The following PNPLA6 variants were observed in gnomAD, a reference collection of about 807,000 sequenced individuals.
PNPLA6 encodes the protein patatin like domain 6, lysophospholipase.
In PNPLA6, 105 loss-of-function variants were observed where a neutral mutation model predicts 153.7. The observed-to-expected ratio is 0.68, with a 90% confidence interval of 0.58 to 0.80. The LOEUF (loss-of-function observed/expected upper bound fraction) is 0.80. Ranked by LOEUF, PNPLA6 falls within the 30% of genes least tolerant of loss-of-function variation. The probability of loss-of-function intolerance (pLI) is 0.00; values close to 1 mark genes in which losing one functional copy is unlikely to be tolerated. For synonymous variants in PNPLA6, 825 were observed against 822.2 expected (o/e 1.00, Z -0.06); for missense variants, 1,423 against 1,919.3 (o/e 0.74, Z 4.83).
intron 1 of PNPLA6, 51 bp downstream of exon 1, chr19:7,536,071 A>G (rs1193983868): frequency 1.3e-6 from 2 of 1,576,036 alleles, no homozygotes; most frequent in Non-Finnish European, 1.7e-6. Flanking sequence ...GGGGGCCCAA[A>G]TGCCCGGGTC....
Position 7,550,107 on chromosome 19 carries a change from CTATGAG to C in PNPLA6, c.1814+1_1814+6del, listed in dbSNP as rs776225309. The C allele has an allele frequency of 6.2e-7, 1 of 1,614,072 alleles. No individual in the cohort carries two copies. The highest frequency in any genetic ancestry group is 1.7e-5 in the Admixed American group (1 of 60,034). On this transcript the variant is annotated splice_donor_variant and coding_sequence_variant, in exon 14 of 32. Coordinates refer to ENST00000600737, the MANE Select transcript of PNPLA6 (RefSeq NM_001166114.2). LOFTEE classifies it high-confidence loss of function. ...TCCTGCGGATCTCCAAGTCCGACTT[CTATGAG>C]TATGACAGCCCGAAGTTGGAGTGTG...
Position 7,560,630 on chromosome 19 carries a change from G to A in PNPLA6, c.3700-18G>A. 1.3e-6 allele frequency: 2 copies of A among 1,544,054 alleles called. No homozygotes were observed. Among genetic ancestry groups the A allele is most frequent in the Non-Finnish European group, 1.8e-6 (2 of 1,116,140 alleles). On this transcript the variant is annotated intron_variant, in intron 28 of 31. Transcript: ENST00000600737. ...AAGCAGGGTTGCAGACATGGACCCA[G>A]CCCCTCATTTCCCACAGGATGTGGG... is the stretch of plus-strand genomic sequence containing the variant.
chr19:7,560,122 CAG>C (rs1221610139), intron 28 of PNPLA6, among the ~76,000 whole-genome samples: 6 of 152,022 alleles, frequency 3.9e-5, no homozygotes, highest in East Asian at 1.9e-4. Flanking sequence ...GCCTGGGTGA[CAG>C]AGTGAGACTC....
chr19:7,534,187 G>A, upstream of PNPLA6: 1 of 357,992 alleles, frequency 2.8e-6, no homozygotes, highest in Non-Finnish European at 5.3e-6. Context: ...CTGCGGAGCC[G>A]GGCGGAACGC....
intron 13 of PNPLA6, among the ~76,000 whole-genome samples, chr19:7,547,061 C>T (rs1465667648): frequency 5.3e-5 from 8 of 152,120 alleles, no homozygotes; most frequent in East Asian, 1.9e-4. Context: ...CACGCTGCCA[C>T]GCCCAGCTAA....
At position 7,560,746 on chromosome 19, in the gene PNPLA6, T is replaced by C. The variant is rs769721160; in HGVS notation, c.3798T>C (p.Asn1266=). The change falls in exon 29 of 32, where the codon AAT becomes AAC. Residue 1266 remains asparagine, a synonymous_variant. Transcript: ENST00000600737. ...CAGACCGGCGGTCTACAGACCTTAA[T>C]GAGAGCCGCCGTGCAGACGTAAGCC... ...MLTDRRSTDL[N]ESRRADVLAF... is the part of the protein sequence containing the mutation. The C allele has an allele frequency of 1.9e-6, 3 of 1,610,184 alleles. No homozygotes were observed. Among genetic ancestry groups the C allele is most frequent in the South Asian group, 1.1e-5 (1 of 90,984 alleles).
At chr19:7,543,833 C>T (rs1440070797) in intron 13 of PNPLA6, among the ~76,000 whole-genome samples, 13 of 147,474 alleles carry the variant, frequency 8.8e-5, no homozygotes, top group African/African-American at 2.5e-4. Flanking sequence ...TTTTTTGAGA[C>T]GGAGTCTCGC....
chr19:7,535,309 C>G, upstream of PNPLA6: 1 of 609,182 alleles, frequency 1.6e-6, no homozygotes, highest in Non-Finnish European at 3.0e-6. This position sits in a 1 kb window ranked among gnomAD's most constrained non-coding sequence, Gnocchi z 5.0. Context: ...CCCGCCTCAT[C>G]TCCTGGCCAG....
chr19:7,557,792 A>AAG (rs1372208947), intron 27 of PNPLA6, among the ~76,000 whole-genome samples: 1 of 151,766 alleles, frequency 6.6e-6, no homozygotes, highest in East Asian at 1.9e-4. Context: ...TCAAAAAAAA[A>AAG]AAAAAAGAAA....
intron 2 of PNPLA6, 54 bp downstream of exon 2, chr19:7,536,327 C>A (rs1015531259): frequency 6.8e-7 from 1 of 1,472,368 alleles, no homozygotes; most frequent in African/African-American, 1.4e-5. Flanking sequence ...CGCGCCCCTT[C>A]CCTATTTACA....
intron 28 of PNPLA6, among the ~76,000 whole-genome samples, chr19:7,559,517 A>G (rs372707154): frequency 1.3e-5 from 2 of 152,274 alleles, no homozygotes; most frequent in East Asian, 3.9e-4. Flanking sequence ...CTGACCCTGA[A>G]AAATGTGCCA....
intron 13 of PNPLA6, among the ~76,000 whole-genome samples, chr19:7,548,788 TA>T (rs1222566660): frequency 7.2e-6 from 1 of 138,628 alleles, no homozygotes; most frequent in African/African-American, 2.7e-5. Context: ...ATAATCTATG[TA>T]AAAAAATTTT....
At chr19:7,544,194 C>T (rs1321736269) in intron 13 of PNPLA6, among the ~76,000 whole-genome samples, 1 of 151,842 alleles carries the variant, frequency 6.6e-6, no homozygotes, top group Non-Finnish European at 1.5e-5. Context: ...TCACTGCAAC[C>T]TCCGCCTCCT....
Position 7,535,976 on chromosome 19 carries a change from C to T in PNPLA6, c.188C>T (p.Thr63Met), listed in dbSNP as rs964910024. The T allele has an allele frequency of 1.3e-6, 2 of 1,580,646 alleles. No individual in the cohort carries two copies. Among genetic ancestry groups the T allele is most frequent in the Non-Finnish European group, 8.6e-7 (1 of 1,165,710 alleles). ...MIGAGVAVVV[T>M]AVLILLVVRR... is the part of the protein sequence containing the mutation. ...GGGGCCGGAGTGGCGGTGGTGGTCA[C>T]GGCCGTGCTCATCCTCCTGGTGGTG... Residue 63 changes from threonine to methionine, a missense_variant, in exon 1 of 32, where the codon ACG (threonine) becomes ATG (methionine). Physicochemically the swap from Thr to Met is moderately conservative, Grantham distance 81 (BLOSUM62 -1). This residue lies in a region of PNPLA6 where 109 missense variants were observed against 109.4 expected (regional missense o/e 1.00). Coordinates refer to ENST00000600737, the MANE Select transcript of PNPLA6 (RefSeq NM_001166114.2). This position sits in a 1 kb window ranked among gnomAD's most constrained non-coding sequence, Gnocchi z 5.0.
upstream of PNPLA6, chr19:7,535,686 T>C (rs1052970002): frequency 3.7e-5 from 56 of 1,528,338 alleles, no homozygotes; most frequent in Non-Finnish European, 4.7e-5. This position sits in a 1 kb window ranked among gnomAD's most constrained non-coding sequence, Gnocchi z 5.0. Flanking sequence ...ACGCGCTGCG[T>C]CCGCTCGGGC....
rs1329932060 is a variant in PNPLA6, at chr19:7,540,149, G to A, written c.555G>A (p.Arg185=). Residue 185 remains arginine (R), a splice_region_variant and synonymous_variant, in exon 5 of 32, where the codon CGG becomes CGA. Transcript: ENST00000600737. The surrounding 1 kb of genome is among the most constrained non-coding windows in gnomAD (Gnocchi z 6.8). ...CTGTCGCCCACCGCCTGTCCAACAG[G>A]GTGCTGGGCCACTTCGAGAAGCCAC... is the stretch of plus-strand genomic sequence containing the variant. The part of the protein sequence containing the change: ...SEVLYMLKNV[R]VLGHFEKPLF... 3 of 1,612,340 alleles carry A rather than the reference G, an allele frequency of 1.9e-6. No homozygotes were observed. The highest frequency in any genetic ancestry group is 2.5e-6 in the Non-Finnish European group (3 of 1,180,012).
rs770248268 is a variant in PNPLA6 at position 7,555,229 on chromosome 19, G to C, written c.2818-20G>C. ...CCCCGCCCTCATGCTCCTGGGTCGC[G>C]ACTATCTCCCCCATCCCAGCATGAG... On this transcript the variant is annotated intron_variant, in intron 22 of 31. Coordinates refer to ENST00000600737, the MANE Select transcript of PNPLA6 (RefSeq NM_001166114.2). The surrounding 1 kb of genome is among the most constrained non-coding windows in gnomAD (Gnocchi z 6.3). 1 of 1,580,536 alleles carries C rather than the reference G, an allele frequency of 6.3e-7. No individual in the cohort carries two copies. The highest frequency in any genetic ancestry group is 1.8e-5 in the Admixed American group (1 of 56,324).
upstream of PNPLA6, chr19:7,535,506 C>A: frequency 6.3e-7 from 1 of 1,576,314 alleles, no homozygotes; most frequent in East Asian, 2.3e-5. The surrounding 1 kb of genome is among the most constrained non-coding windows in gnomAD (Gnocchi z 5.0). Context: ...CTTGATTTCC[C>A]AGGACTCCGG....
At position 7,536,013 on chromosome 19, in the gene PNPLA6, A is replaced by G. The variant is rs553088930; in HGVS notation, c.225A>G (p.Arg75=). The G allele has an allele frequency of 3.6e-4, 561 of 1,576,052 alleles. No individual in the cohort carries two copies. Among genetic ancestry groups the G allele is most frequent in the Non-Finnish European group, 4.5e-4 (522 of 1,162,016 alleles). Residue 75 remains arginine, a synonymous_variant, in exon 1 of 32, where the codon CGA becomes CGG. Transcript: ENST00000600737. ...VLILLVVRRL[R]VPKTPAPDGP... is the part of the protein sequence containing the mutation. ...TCCTCCTGGTGGTGCGGAGGCTGCG[A>G]GTGCCAAGTGAGCACCCGAGGGGCC...
Sources: allele counts gnomAD v4.1 joint callset (sites outside exome capture counted in the v4.1 genomes callset), GRCh38; gene constraint gnomAD v4.1.1; regional missense constraint gnomAD v4.1.1; non-coding constraint Gnocchi (gnomAD v3.1); transcripts MANE v1.5; gene names NCBI Gene and HGNC (gene_info 2026-07-23, HGNC 2026-07-21).